MAP3K2: variants seen among roughly 807,000 people sequenced by gnomAD.
The protein encoded by MAP3K2 is mitogen-activated protein kinase kinase kinase 2.
MAP3K2 carries 24 observed loss-of-function variants against 80.3 expected under a neutral mutation model. The ratio of observed to expected loss-of-function variants is 0.30; its 90% CI spans 0.22 to 0.42. The LOEUF (loss-of-function observed/expected upper bound fraction) is 0.42. Ranked by LOEUF, MAP3K2 falls within the 10% of genes least tolerant of loss-of-function variation. MAP3K2 has a pLI of 1.00. For missense variants in MAP3K2, 608 were observed against 750.1 expected (o/e 0.81, Z 2.21); for synonymous variants, 244 against 253.7 (o/e 0.96, Z 0.36).
chr2:127,361,470 TAATA>T (rs747315249), intron 1 of MAP3K2, among the ~76,000 whole-genome samples: 10 of 152,208 alleles, frequency 6.6e-5, no homozygotes, highest in Non-Finnish European at 1.3e-4. Flanking sequence ...TTTAATAACT[TAATA>T]GTCATACCAC....
In MAP3K2 at chr2:127,339,165, T is replaced by C. The variant is rs371623841; in HGVS notation, c.5-115A>G. ...AAATTTGATGTAGAGAATGTATTAA[T>C]GCAAAAATGCATCTAGAACATTTTT... On this transcript the variant is annotated intron_variant, in intron 2 of 16. Transcript: ENST00000682094. The surrounding 1 kb of genome is among the most constrained non-coding windows in gnomAD (Gnocchi z 4.2). 3.6e-5 allele frequency: 23 copies of C among 633,384 alleles called. No homozygotes were observed. In the African/African-American group the frequency reaches 4.1e-4, roughly 11 times the overall value. 39.2% of individuals were successfully genotyped at this position (633,384 alleles called of 1,614,324 possible).
chr2:127,332,164 A>T (rs1195705932), intron 5 of MAP3K2, among the ~76,000 whole-genome samples: 3 of 152,194 alleles, frequency 2.0e-5, no homozygotes, highest in African/African-American at 4.8e-5. Flanking sequence ...GATCTACTTA[A>T]ACACATTTCT....
intron 15 of MAP3K2, among the ~76,000 whole-genome samples, 179 bp downstream of exon 15, chr2:127,314,575 G>A (rs554882433): frequency 6.6e-6 from 1 of 152,340 alleles, no homozygotes; most frequent in African/African-American, 2.4e-5. Context: ...CTACCCATTT[G>A]TGGAGACAGG....
intron 1 of MAP3K2, among the ~76,000 whole-genome samples, chr2:127,369,494 A>AG (rs1687026469): frequency 6.8e-6 from 1 of 147,742 alleles, no homozygotes; most frequent in Non-Finnish European, 1.5e-5. Flanking sequence ...AAAAAAAAAA[A>AG]ACAGCAAATA....
At chr2:127,354,024 T>TA (rs1686753065) in intron 1 of MAP3K2, among the ~76,000 whole-genome samples, 1 of 151,958 alleles carries the variant, frequency 6.6e-6, no homozygotes, top group Non-Finnish European at 1.5e-5. Flanking sequence ...TGTGCTTTGT[T>TA]AAACAGATGC....
intron 1 of MAP3K2, among the ~76,000 whole-genome samples, chr2:127,355,356 A>G (rs977117630): frequency 1.3e-5 from 2 of 152,162 alleles, no homozygotes; most frequent in African/African-American, 4.8e-5. Flanking sequence ...ATCATCATTA[A>G]AGTAAAGGTA....
chr2:127,337,616 C>T, intron 4 of MAP3K2, 122 bp downstream of exon 4: 1 of 624,402 alleles, frequency 1.6e-6, no homozygotes, highest in Non-Finnish European at 2.8e-6. Flanking sequence ...CCAAGGACTA[C>T]TCTATTCTCA....
At chr2:127,328,620 G>C (rs963639204) in intron 7 of MAP3K2, among the ~76,000 whole-genome samples, 1 of 152,166 alleles carries the variant, frequency 6.6e-6, no homozygotes, top group Non-Finnish European at 1.5e-5. Flanking sequence ...CAAGCCATTT[G>C]TATTTTGCTT....
At chr2:127,355,535 A>C (rs1686782164) in intron 1 of MAP3K2, among the ~76,000 whole-genome samples, 1 of 152,144 alleles carries the variant, frequency 6.6e-6, no homozygotes, top group South Asian at 2.1e-4. Flanking sequence ...CCTTAATTAA[A>C]AATTATTTAT....
chr2:127,343,058 G>C, intron 2 of MAP3K2, 68 bp downstream of exon 2: 1 of 1,260,806 alleles, frequency 7.9e-7, no homozygotes, highest in East Asian at 2.5e-5. Flanking sequence ...ACACATAATA[G>C]AGAAAGTTTT....
Position 127,299,692 on chromosome 2 carries a change from T to C in MAP3K2, c.*7887A>G, listed in dbSNP as rs1009660537. The C allele has an allele frequency of 6.6e-6, 1 of 152,196 alleles. No individual in the cohort carries two copies. The highest frequency in any genetic ancestry group is 1.5e-5 in the Non-Finnish European group (1 of 68,006). The allele number at this position is 152,196 out of a possible 1,614,324, so 9.4% of individuals were successfully genotyped here. On this transcript the variant is annotated 3_prime_UTR_variant, in exon 17 of 17. Coordinates refer to ENST00000682094, the MANE Select transcript of MAP3K2 (RefSeq NM_001371910.2). The stretch of plus-strand genomic sequence containing the variant: ...GCTTTTTCTTGCAAGAGTATTTTAA[T>C]TGAGCTCTAAGTATGACTTGCATTC...
intron 1 of MAP3K2, among the ~76,000 whole-genome samples, chr2:127,373,109 T>A (rs762084711): frequency 6.6e-6 from 1 of 152,212 alleles, no homozygotes; most frequent in Admixed American, 6.5e-5. Flanking sequence ...CTGATTCCAA[T>A]GGAAAGTGCT....
At chr2:127,330,557 C>A in intron 5 of MAP3K2, 52 bp from the exon 6 acceptor site, 1 of 797,630 alleles carries the variant, frequency 1.3e-6, no homozygotes, top group Non-Finnish European at 2.1e-6. Context: ...TCAAGTTCTT[C>A]CATGAGCATC....
intron 1 of MAP3K2, among the ~76,000 whole-genome samples, chr2:127,359,032 G>A (rs1479554190): frequency 6.6e-6 from 1 of 152,148 alleles, no homozygotes; most frequent in African/African-American, 2.4e-5. Flanking sequence ...CAGGCATTCA[G>A]GAGGAGGGGA....
At chr2:127,375,334 G>C (rs995886723) in intron 1 of MAP3K2, among the ~76,000 whole-genome samples, 1 of 152,112 alleles carries the variant, frequency 6.6e-6, no homozygotes, top group Admixed American at 6.5e-5. Context: ...AGAAGACTGA[G>C]TGAATCCTGC....
chr2:127,358,083 T>G (rs939062430), intron 1 of MAP3K2, among the ~76,000 whole-genome samples: 2 of 151,230 alleles, frequency 1.3e-5, no homozygotes, highest in African/African-American at 4.9e-5. Flanking sequence ...CCTGACAAAA[T>G]ATTTGTATCC....
intron 1 of MAP3K2, among the ~76,000 whole-genome samples, chr2:127,381,611 T>G (rs997063721): frequency 2.0e-5 from 3 of 152,158 alleles, no homozygotes; most frequent in Non-Finnish European, 4.4e-5. Context: ...AACTATTAGG[T>G]AAAAGATCAC....
chr2:127,384,979 T>C (rs146882504), intron 1 of MAP3K2, among the ~76,000 whole-genome samples: 1 of 152,248 alleles, frequency 6.6e-6, no homozygotes, highest in Non-Finnish European at 1.5e-5. Context: ...CTAGTGAAGA[T>C]GATGTGAATA....
chr2:127,376,973 A>G (rs1687163251), intron 1 of MAP3K2, among the ~76,000 whole-genome samples: 1 of 151,944 alleles, frequency 6.6e-6, no homozygotes, highest in Non-Finnish European at 1.5e-5. Flanking sequence ...AGGTGGGAGG[A>G]ATGCTTGAGT....
Sources: gnomAD v4.1 joint callset for allele counts (sites outside exome capture counted in the v4.1 genomes callset) on GRCh38, gnomAD v4.1.1 for gene constraint, Gnocchi (gnomAD v3.1) non-coding constraint, MANE v1.5 for transcripts, NCBI Gene and HGNC (gene_info 2026-07-23, HGNC 2026-07-21) for gene names.